Variants in INTS1 observed in about 807,000 individuals in gnomAD.
The protein encoded by INTS1 is integrator complex subunit 1.
Under a neutral mutation model 241.6 loss-of-function variants are expected in INTS1, and 137 were observed. The ratio of observed to expected loss-of-function variants is 0.57; its 90% CI spans 0.49 to 0.65. The LOEUF is 0.65. Among genes scored for constraint, INTS1 ranks in the 30% least tolerant of loss-of-function variants. The pLI is 0.00. For missense variants in INTS1, 3,073 were observed against 3,032.2 expected (o/e 1.01, Z -0.32); for synonymous variants, 1,692 against 1,337.8 (o/e 1.26, Z -5.78).
rs751925539 is a variant in INTS1 at position 1,493,087 on chromosome 7, C to A, written c.2088G>T (p.Val696=). The change falls in exon 16 of 48, where the codon GTG becomes GTT. Residue 696 remains valine, a synonymous_variant. Coordinates refer to ENST00000404767, the MANE Select transcript of INTS1 (RefSeq NM_001080453.3). This position sits in a 1 kb window ranked among gnomAD's most constrained non-coding sequence, Gnocchi z 5.3. The part of the protein sequence containing the change: ...VQADDVEVLK[V]GRTQLIDAVL... ...CGGCGTCGATCAGCTGGGTCCTCCC[C>A]ACCTTCAGCACCTCCACATCTAAGA... 113 of 1,613,320 alleles carry A rather than the reference C, an allele frequency of 7.0e-5. No individual in the cohort carries two copies. The highest frequency in any genetic ancestry group is 1.0e-4 in the Admixed American group (6 of 59,978).
chr7:1,488,590 G>C (rs1782392364), intron 18 of INTS1, among the ~76,000 whole-genome samples: 1 of 152,028 alleles, frequency 6.6e-6, no homozygotes, highest in African/African-American at 2.4e-5. Context: ...TCCTCACAGT[G>C]CAACGGCCCC....
chr7:1,485,763 G>A (rs1167550904), intron 22 of INTS1, among the ~76,000 whole-genome samples: 3 of 152,216 alleles, frequency 2.0e-5, no homozygotes, highest in Admixed American at 6.5e-5. Context: ...CCTACGCAGG[G>A]AAGGAACTTA....
At chr7:1,488,149 C>T (rs1460163161) in intron 18 of INTS1, among the ~76,000 whole-genome samples, 192 bp from the exon 19 acceptor site, 3 of 152,166 alleles carry the variant, frequency 2.0e-5, no homozygotes, top group Admixed American at 6.5e-5. Flanking sequence ...GCAGCGCTGC[C>T]CAGAGGCGCG....
At chr7:1,494,985 C>A in intron 13 of INTS1, 92 bp from the exon 14 acceptor site, 1 of 1,458,538 alleles carries the variant, frequency 6.9e-7, no homozygotes, top group Non-Finnish European at 9.3e-7. Context: ...TCCCACGGGC[C>A]CCAGCGCTCA....
At chr7:1,504,213 G>A (rs1783351957) in intron 1 of INTS1, 110 bp downstream of exon 1, 1 of 530,450 alleles carries the variant, frequency 1.9e-6, no homozygotes, top group Non-Finnish European at 3.3e-6. Flanking sequence ...GCGGACGCCG[G>A]GCTGGAGGCG....
In INTS1 at chr7:1,476,475, C is replaced by T. The variant is rs768875677; in HGVS notation, c.5152-20G>A. On this transcript the variant is annotated intron_variant, in intron 37 of 47. Transcript: ENST00000404767. ...CCGCTTCTGTAACGGGTGCCTGCAT[C>T]AGCCCCGGAGCACCACCGCCTCTCC... is the stretch of plus-strand genomic sequence containing the variant. The T allele has an allele frequency of 2.7e-4, 375 of 1,411,792 alleles. No homozygotes were observed. Among genetic ancestry groups the T allele is most frequent in the Non-Finnish European group, 3.4e-4 (364 of 1,079,158 alleles). The allele number at this position is 1,411,792 out of a possible 1,614,324, so 87.5% of individuals were successfully genotyped here.
At chr7:1,474,128 AG>A (rs770113089) in intron 41 of INTS1, 39 bp downstream of exon 41, 2 of 1,527,500 alleles carry the variant, frequency 1.3e-6, no homozygotes, top group South Asian at 1.2e-5. Context: ...GAGCAGAGGG[AG>A]TGGAAGGGAG....
intron 12 of INTS1, among the ~76,000 whole-genome samples, 171 bp from the exon 13 acceptor site, chr7:1,495,724 C>CT (rs1782814986): frequency 6.6e-6 from 1 of 152,178 alleles, no homozygotes. Context: ...TGGAGTGACC[C>CT]TGACGCGTGC....
chr7:1,477,655 C>A lies in INTS1; in HGVS notation c.4833G>T (p.Leu1611=). The stretch of plus-strand genomic sequence containing the variant: ...CCACTAGGAGGCCTGACGAGGGCCC[C>A]AGCCGCACGGCCTCCAGGCTGCAGG... ...ADGGSLEAVR[L]GPSSGLLVDW... is the part of the protein sequence containing the mutation. Residue 1611 remains leucine, a synonymous_variant, in exon 35 of 48, where the codon CTG becomes CTT. Transcript: ENST00000404767. 1 of 1,594,180 alleles carries A rather than the reference C, an allele frequency of 6.3e-7. No homozygotes were observed.
intron 38 of INTS1, 30 bp from the exon 39 acceptor site, chr7:1,476,101 C>T (rs753004353): frequency 3.9e-5 from 59 of 1,530,778 alleles, no homozygotes; most frequent in Middle Eastern, 2.1e-4. Flanking sequence ...GCTCACCAGG[C>T]GGACGGGGCC....
chr7:1,492,482 G>A (rs527905619), intron 16 of INTS1, among the ~76,000 whole-genome samples: 3 of 152,298 alleles, frequency 2.0e-5, no homozygotes, highest in East Asian at 3.9e-4. Context: ...TTCTCTTGGG[G>A]GAACCAAAGA....
rs773458499 is a variant in INTS1 at position 1,497,983 on chromosome 7, G to A, written c.1425+429C>T. Among the ~76,000 whole-genome samples, 3 of 152,264 alleles carry A rather than the reference G, an allele frequency of 2.0e-5. No individual in the cohort carries two copies. The highest frequency in any genetic ancestry group is 4.4e-5 in the Non-Finnish European group (3 of 68,046). On this transcript the variant is annotated intron_variant, in intron 10 of 47. Transcript: ENST00000404767. The surrounding 1 kb of genome is among the most constrained non-coding windows in gnomAD (Gnocchi z 5.3). ...CATCCCAGCACTTTGGGAGGTTGAG[G>A]CAGGAGGATCGCTTGAGCCCAGGAG...
chr7:1,495,697 TAA>T (rs1782814071), intron 12 of INTS1, 144 bp from the exon 13 acceptor site: 2 of 1,084,086 alleles, frequency 1.8e-6, no homozygotes, highest in South Asian at 2.9e-5. Flanking sequence ...CCAGCTGGAA[TAA>T]CACCCTGGGA....
chr7:1,487,257 C>T lies in INTS1; in HGVS notation c.2646+63G>A, dbSNP rs530680720. ...TCCTGCCCTCTTCTGGCCACCAAGG[C>T]CTCCGGAAGGTTCCGGGCCTCCCAA... On this transcript the variant is annotated intron_variant, in intron 20 of 47. Coordinates refer to ENST00000404767, the MANE Select transcript of INTS1 (RefSeq NM_001080453.3). 6.5e-6 allele frequency: 10 copies of T among 1,540,310 alleles called. No individual in the cohort carries two copies. In the African/African-American group the frequency reaches 1.4e-4, roughly 21 times the overall value.
chr7:1,490,279 C>T (rs1169982638), intron 16 of INTS1, among the ~76,000 whole-genome samples: 1 of 152,268 alleles, frequency 6.6e-6, no homozygotes, highest in African/African-American at 2.4e-5. Flanking sequence ...AAACTCCAAA[C>T]GCTACTGAAA....
rs1433298157 is a variant in INTS1, at chr7:1,497,785, G to C, written c.1426-471C>G. On this transcript the variant is annotated intron_variant, in intron 10 of 47. Transcript: ENST00000404767. The surrounding 1 kb of genome is among the most constrained non-coding windows in gnomAD (Gnocchi z 5.3). Reference sequence around the variant, plus strand: ...TCCCTCGTGTTTCACACTCCATAGAGCCCACCGGGAGGCCTAATGCGCTGG... The same window carrying C: ...TCCCTCGTGTTTCACACTCCATAGACCCCACCGGGAGGCCTAATGCGCTGG... 7.2e-5 allele frequency among the ~76,000 whole-genome samples: 11 copies of C among 152,248 alleles called. No individual in the cohort carries two copies. Among genetic ancestry groups the C allele is most frequent in the African/African-American group, 2.7e-4 (11 of 41,480 alleles).
Position 1,499,962 on chromosome 7 carries a change from G to A in INTS1, c.606C>T (p.Ser202=), listed in dbSNP as rs1233080258. 4 of 1,613,700 alleles carry A rather than the reference G, an allele frequency of 2.5e-6. No individual in the cohort carries two copies. The highest frequency in any genetic ancestry group is 3.4e-6 in the Non-Finnish European group (4 of 1,179,868). ...ASINFKAKGN[S]LVSVLACNLL... is the part of the protein sequence containing the mutation. The stretch of plus-strand genomic sequence containing the variant: ...GGTTACAGGCCAGCACAGACACCAG[G>A]CTGTTCCCCTTGGCCTTGAAGTTGA... The change falls in exon 5 of 48, where the codon AGC becomes AGT. Residue 202 remains serine, a synonymous_variant. Coordinates refer to ENST00000404767, the MANE Select transcript of INTS1 (RefSeq NM_001080453.3).
rs755537732 is a variant in INTS1, at chr7:1,478,964, C to T, written c.4330-79G>A. 2.0e-5 allele frequency: 29 copies of T among 1,467,416 alleles called. 1 individual carries two copies. Among genetic ancestry groups the T allele is most frequent in the South Asian group, 1.7e-4 (13 of 76,542 alleles). The allele number at this position is 1,467,416 out of a possible 1,614,324, so 90.9% of individuals were successfully genotyped here. A position where few individuals can be genotyped will look rare whatever the true frequency, so the allele number is the denominator to read the frequency against. Reference sequence around the variant, plus strand: ...GGCACCCGAGGCCCAGAGCAGGGCCCGTGAGGCTGCTGAGACCTGCCGCGA... The same window carrying T: ...GGCACCCGAGGCCCAGAGCAGGGCCTGTGAGGCTGCTGAGACCTGCCGCGA... On this transcript the variant is annotated intron_variant, in intron 31 of 47. Transcript: ENST00000404767.
chr7:1,473,244 A>G, intron 42 of INTS1, 60 bp from the exon 43 acceptor site: 1 of 1,113,836 alleles, frequency 9.0e-7, no homozygotes, highest in Non-Finnish European at 1.3e-6. Flanking sequence ...AGGCTGGGTC[A>G]GGGGTCAAAC....
Sources: allele counts gnomAD v4.1 joint callset (sites outside exome capture counted in the v4.1 genomes callset), GRCh38; gene constraint gnomAD v4.1.1; non-coding constraint Gnocchi (gnomAD v3.1); transcripts MANE v1.5; gene names NCBI Gene and HGNC (gene_info 2026-07-23, HGNC 2026-07-21).